Variants in CTSZ observed in about 807,000 individuals in gnomAD.
CTSZ encodes the protein carboxypeptidase LB.
In CTSZ, 39 loss-of-function variants were observed where a neutral mutation model predicts 32.4. That is an observed-to-expected ratio of 1.20 (90% CI 0.93 to 1.57). The LOEUF (loss-of-function observed/expected upper bound fraction) is 1.57, where lower values mean the gene tolerates loss of function less well. Ranked by LOEUF, CTSZ falls within the 40% of genes most tolerant of loss-of-function variation. CTSZ has a pLI of 0.00. For missense variants in CTSZ, 397 were observed against 419.6 expected, an observed-to-expected ratio of 0.95 and a Z score of 0.47; for synonymous variants, 168 against 170.1, an observed-to-expected ratio of 0.99 and a Z score of 0.10.
rs368934903 is a variant in CTSZ, at chr20:59,002,799, G to C, written c.308-1155C>G. On this transcript the variant is annotated intron_variant, in intron 2 of 5. Transcript: ENST00000217131. The surrounding 1 kb of genome is among the most constrained non-coding windows in gnomAD (Gnocchi z 4.1). ...CTGGTTTGTCCCCTCCCACCTGACCGACCCACCCTAGGTTCCATCCTGTTT... is the reference window on the plus strand; with the variant it reads ...CTGGTTTGTCCCCTCCCACCTGACCCACCCACCCTAGGTTCCATCCTGTTT... Among the ~76,000 whole-genome samples, 23 of 151,972 alleles carry C rather than the reference G, an allele frequency of 1.5e-4. 1 individual carries two copies. The East Asian group carries it at 1.7e-3, about 12-fold the overall frequency.
rs1189414711 is a variant in CTSZ, at chr20:58,996,727, T to C, written c.713A>G (p.Tyr238Cys). 10 of 1,614,050 alleles carry C rather than the reference T, an allele frequency of 6.2e-6. No individual in the cohort carries two copies. The highest frequency in any genetic ancestry group is 6.8e-6 in the Non-Finnish European group (8 of 1,180,002). The change falls in exon 5 of 6, where the codon TAT becomes TGT. Residue 238 changes from tyrosine to cysteine, a missense_variant. Tyr to Cys is a radical substitution (Grantham distance 194). Coordinates refer to ENST00000217131, the MANE Select transcript of CTSZ (RefSeq NM_001336.4). Reference sequence around the variant, plus strand: ...AGCCACAGAAACGACATGGTTTATATATGTGGTGTCCTGGTATTCGGCATA... The same window carrying C: ...AGCCACAGAAACGACATGGTTTATACATGTGGTGTCCTGGTATTCGGCATA... ...GIYAEYQDTT[Y>C]INHVVSVAGW...
Position 59,006,302 on chromosome 20 carries a change from G to A in CTSZ, c.307+20C>T. 6.3e-7 allele frequency: 1 copy of A among 1,583,502 alleles called. No homozygotes were observed. The highest frequency in any genetic ancestry group is 1.1e-5 in the South Asian group (1 of 88,432). On this transcript the variant is annotated intron_variant, in intron 2 of 5. Coordinates refer to ENST00000217131, the MANE Select transcript of CTSZ (RefSeq NM_001336.4). ...CCGGGATGGGCTTTCCTGGCCCACA[G>A]TCAAAGGGCGGCCACTCACCCGCCA...
chr20:59,007,117 G>T lies in CTSZ; in HGVS notation c.12C>A (p.Arg4=). 7.2e-7 allele frequency: 1 copy of T among 1,395,884 alleles called. No homozygotes were observed. The highest frequency in any genetic ancestry group is 9.3e-7 in the Non-Finnish European group (1 of 1,080,838). The allele number at this position is 1,395,884 out of a possible 1,614,324, so 86.5% of individuals were successfully genotyped here. A position where few individuals can be genotyped will look rare whatever the true frequency, so the allele number is the denominator to read the frequency against. The change falls in exon 1 of 6, where the codon CGC becomes CGA. Residue 4 remains arginine, a synonymous_variant. Transcript: ENST00000217131. ...GCAGAAGCGGCCGCCACCCTGGCCC[G>T]CGCCTCGCCATGGCCCCGCGCCGGC... MAR[R]GPGWRPLLLL...
At chr20:59,001,899 T>C (rs2146364248) in intron 2 of CTSZ, among the ~76,000 whole-genome samples, 1 of 152,340 alleles carries the variant, frequency 6.6e-6, no homozygotes, top group African/African-American at 2.4e-5. Flanking sequence ...ACAAATGCCA[T>C]GAGAGCAGGG....
chr20:59,004,012 C>T lies in CTSZ; in HGVS notation c.307+2310G>A, dbSNP rs1055461211. Among the ~76,000 whole-genome samples the T allele has an allele frequency of 2.0e-5, 3 of 152,014 alleles. No homozygotes were observed. Among genetic ancestry groups the T allele is most frequent in the Non-Finnish European group, 2.9e-5 (2 of 67,984 alleles). On this transcript the variant is annotated intron_variant, in intron 2 of 5. Coordinates refer to ENST00000217131, the MANE Select transcript of CTSZ (RefSeq NM_001336.4). This position sits in a 1 kb window ranked among gnomAD's most constrained non-coding sequence, Gnocchi z 5.6. ...GACCTGGAGGAGGCGGTGGGCGGTG[C>T]GTGATTTCTGCATCTGCTTCGAAGG...
chr20:58,997,788 TCTC>T, intron 3 of CTSZ, 35 bp from the exon 4 acceptor site: 2 of 1,551,768 alleles, frequency 1.3e-6, no homozygotes, highest in Non-Finnish European at 1.7e-6. Flanking sequence ...CATGAGGCCG[TCTC>T]CTCATCAACC....
chr20:59,007,044 G>C lies in CTSZ; in HGVS notation c.85C>G (p.Arg29Gly). Residue 29 changes from arginine to glycine, a missense_variant, in exon 1 of 6, where the codon CGG becomes GGG. By Grantham distance (125) the Arg-to-Gly change is moderately radical. Coordinates refer to ENST00000217131, the MANE Select transcript of CTSZ (RefSeq NM_001336.4). ...AGAGGCCGGTAGCAGGTCTGTCCCC[G>C]GCGGAAGTAGAGGCCGCCCTGCGCC... ...GAAQGGLYFR[R>G]GQTCYRPLRG... The C allele has an allele frequency of 1.4e-6, 2 of 1,471,572 alleles. No homozygotes were observed. Among genetic ancestry groups the C allele is most frequent in the South Asian group, 2.6e-5 (2 of 77,790 alleles). 91.2% of individuals were successfully genotyped at this position (1,471,572 alleles called of 1,614,324 possible). A position where few individuals can be genotyped will look rare whatever the true frequency, so the allele number is the denominator to read the frequency against.
intron 3 of CTSZ, among the ~76,000 whole-genome samples, 182 bp from the exon 4 acceptor site, chr20:58,997,935 T>C (rs1169991926): frequency 1.3e-5 from 2 of 152,194 alleles, no homozygotes; most frequent in Non-Finnish European, 2.9e-5. Flanking sequence ...CAGGGAGTTA[T>C]GAAAAGCCCT....
At position 59,002,164 on chromosome 20, in the gene CTSZ, G is replaced by A. The variant is rs553471276; in HGVS notation, c.308-520C>T. Among the ~76,000 whole-genome samples, 65 of 152,344 alleles carry A rather than the reference G, an allele frequency of 4.3e-4. 1 individual carries two copies. The highest frequency in any genetic ancestry group is 1.3e-3 in the African/African-American group (55 of 41,584). ...CCTGAGGGCTGGGGAAGGCCAGCAG[G>A]GACCCAGCCCCGAAGGCACTGGGGG... On this transcript the variant is annotated intron_variant, in intron 2 of 5. Transcript: ENST00000217131. The surrounding 1 kb of genome is among the most constrained non-coding windows in gnomAD (Gnocchi z 4.1).
At chr20:59,001,320 G>T in intron 3 of CTSZ, 145 bp downstream of exon 3, 1 of 917,314 alleles carries the variant, frequency 1.1e-6, no homozygotes, top group Non-Finnish European at 1.6e-6. Context: ...CGCCCCTGGG[G>T]GCTGCAACCT....
intron 5 of CTSZ, 140 bp from the exon 6 acceptor site, chr20:58,995,899 C>T (rs2091857177): frequency 1.5e-6 from 1 of 651,320 alleles, no homozygotes; most frequent in African/African-American, 1.8e-5. Flanking sequence ...CTCAGCTGCC[C>T]CTCAGCTTTC....
At chr20:59,006,266 TAA>T in intron 2 of CTSZ, 54 bp downstream of exon 2, 3 of 1,525,134 alleles carry the variant, frequency 2.0e-6, no homozygotes, top group Non-Finnish European at 2.6e-6. Flanking sequence ...CCTGGGCCTA[TAA>T]ACAGGCAGCC....
In CTSZ at chr20:58,997,493, C is replaced by T. The variant is rs1448814156; in HGVS notation, c.638+110G>A. The stretch of plus-strand genomic sequence containing the variant: ...TGCCTACATGAGCACCGACATGAGC[C>T]CACACTGGCGCTGTCACCGCGGATC... On this transcript the variant is annotated intron_variant, in intron 4 of 5. Coordinates refer to ENST00000217131, the MANE Select transcript of CTSZ (RefSeq NM_001336.4). 5 of 1,124,998 alleles carry T rather than the reference C, an allele frequency of 4.4e-6. No homozygotes were observed. In the African/African-American group the frequency reaches 8.0e-5, roughly 18 times the overall value. The allele number at this position is 1,124,998 out of a possible 1,614,324, so 69.7% of individuals were successfully genotyped here. A position where few individuals can be genotyped will look rare whatever the true frequency, so the allele number is the denominator to read the frequency against.
rs375989357 is a variant in CTSZ, at chr20:58,996,746, C to T, written c.694G>A (p.Glu232Lys). The T allele has an allele frequency of 1.7e-5, 27 of 1,614,046 alleles. No homozygotes were observed. The highest frequency in any genetic ancestry group is 5.3e-5 in the African/African-American group (4 of 74,922). The change falls in exon 5 of 6, where the codon GAA becomes AAA. Residue 232 changes from glutamate to lysine, a missense_variant. Physicochemically the swap from Glu to Lys is moderately conservative, Grantham distance 56. Coordinates refer to ENST00000217131, the MANE Select transcript of CTSZ (RefSeq NM_001336.4). ...TTTATATATGTGGTGTCCTGGTATT[C>T]GGCATAGATGCCTCCGGTGTAGTTA... is the stretch of plus-strand genomic sequence containing the variant. ...LANYTGGIYA[E>K]YQDTTYINHV...
In CTSZ at chr20:59,001,640, C is replaced by T; in HGVS notation, c.312G>A (p.Arg104=). Reference sequence around the variant, plus strand: ...ACGCTCCCTTCCTCTTGATGTTGATCCGATCTGCAACAGTCAGCACCTGCC... The same window carrying T: ...ACGCTCCCTTCCTCTTGATGTTGATTCGATCTGCAACAGTCAGCACCTGCC... ...AHASTSAMAD[R]INIKRKGAWP... The change falls in exon 3 of 6, where the codon CGG becomes CGA. Residue 104 remains arginine, a synonymous_variant. Transcript: ENST00000217131. 6.2e-7 allele frequency: 1 copy of T among 1,613,328 alleles called. No individual in the cohort carries two copies. Among genetic ancestry groups the T allele is most frequent in the Non-Finnish European group, 8.5e-7 (1 of 1,179,512 alleles).
At chr20:58,997,548 C>G (rs528384718) in intron 4 of CTSZ, 55 bp downstream of exon 4, 4 of 1,476,280 alleles carry the variant, frequency 2.7e-6, no homozygotes, top group South Asian at 1.4e-5. Flanking sequence ...TTTCCTCACC[C>G]GCGGGACCTT....
chr20:59,006,186 C>A, intron 2 of CTSZ, 136 bp downstream of exon 2: 1 of 1,201,846 alleles, frequency 8.3e-7, no homozygotes, highest in East Asian at 2.6e-5. Context: ...CCGCGCTCCT[C>A]GGCCTTAGCA....
intron 3 of CTSZ, 105 bp from the exon 4 acceptor site, chr20:58,997,858 T>C: frequency 9.8e-7 from 1 of 1,018,350 alleles, no homozygotes; most frequent in East Asian, 2.7e-5. Flanking sequence ...AGCCTACCAC[T>C]CAGCAGCTAA....
At chr20:59,000,226 A>C (rs163789) in intron 3 of CTSZ, among the ~76,000 whole-genome samples, 8 of 151,874 alleles carry the variant, frequency 5.3e-5, no homozygotes, top group Non-Finnish European at 1.0e-4. Context: ...AAAAAATACA[A>C]AAGTAGCTGG....
Sources: allele counts gnomAD v4.1 joint callset (sites outside exome capture counted in the v4.1 genomes callset), GRCh38; gene constraint gnomAD v4.1.1; non-coding constraint Gnocchi (gnomAD v3.1); transcripts MANE v1.5; gene names NCBI Gene and HGNC (gene_info 2026-07-23, HGNC 2026-07-21).